MOB3B: variants seen among roughly 807,000 people sequenced by gnomAD.
MOB3B encodes MOB kinase activator-like 2B.
MOB3B carries 7 observed loss-of-function variants against 18.7 expected under a neutral mutation model. The observed-to-expected ratio is 0.37, with a 90% CI of 0.21 to 0.70. The LOEUF (loss-of-function observed/expected upper bound fraction) is 0.70, where lower values mean the gene tolerates loss of function less well. Ranked by LOEUF, MOB3B falls within the 30% of genes least tolerant of loss-of-function variation. The pLI is 0.52. For missense variants in MOB3B, 253 were observed against 281.3 expected, an observed-to-expected ratio of 0.90 and a Z score of 0.72; for synonymous variants, 111 against 99.9, an observed-to-expected ratio of 1.11 and a Z score of -0.66.
Position 27,455,251 on chromosome 9 carries a change from C to G in MOB3B, c.300G>C (p.Trp100Cys), listed in dbSNP as rs746592960. 2 of 1,614,126 alleles carry G rather than the reference C, an allele frequency of 1.2e-6. No individual in the cohort carries two copies. The highest frequency in any genetic ancestry group is 3.3e-5 in the Admixed American group (2 of 60,026). Reference protein sequence around the residue: ...MSGGPKYEYRWQDDLKYKKPT... With the variant: ...MSGGPKYEYRCQDDLKYKKPT... ...GCTTCTTATACTTGAGATCATCCTGCCACCGATACTCATATTTGGGGCCCC... is the reference window on the plus strand; with the variant it reads ...GCTTCTTATACTTGAGATCATCCTGGCACCGATACTCATATTTGGGGCCCC... The change falls in exon 2 of 4, where the codon TGG becomes TGC. Residue 100 changes from tryptophan to cysteine, a missense_variant. Trp to Cys is a radical substitution (Grantham distance 215). Coordinates refer to ENST00000262244, the MANE Select transcript of MOB3B (RefSeq NM_024761.5).
At chr9:27,335,368 A>T (rs1157125524) in intron 3 of MOB3B, among the ~76,000 whole-genome samples, 1 of 152,156 alleles carries the variant, frequency 6.6e-6, no homozygotes, top group Non-Finnish European at 1.5e-5. Context: ...AATGCGGCAA[A>T]ACTAATTAGT....
At chr9:27,443,163 C>A (rs1393209705) in intron 2 of MOB3B, among the ~76,000 whole-genome samples, 1 of 152,152 alleles carries the variant, frequency 6.6e-6, no homozygotes, top group Non-Finnish European at 1.5e-5. Context: ...TGCTGCTGGT[C>A]TAGGACCCAC....
At chr9:27,460,129 G>A (rs1331174992) in intron 1 of MOB3B, among the ~76,000 whole-genome samples, 2 of 152,204 alleles carry the variant, frequency 1.3e-5, no homozygotes, top group African/African-American at 4.8e-5. Context: ...ATGTAGTTTT[G>A]AGGTTAGTTA....
At chr9:27,348,863 C>T (rs778047974) in intron 3 of MOB3B, among the ~76,000 whole-genome samples, 84 of 152,300 alleles carry the variant, frequency 5.5e-4, no homozygotes, top group African/African-American at 2.6e-4. Context: ...AGAAACCTAA[C>T]GTTTCAAATG....
At position 27,326,762 on chromosome 9, in the gene MOB3B, T is replaced by G. The variant is rs1362115261; in HGVS notation, c.*3825A>C. 2.5e-6 allele frequency: 1 copy of G among 395,874 alleles called. No individual in the cohort carries two copies. Among genetic ancestry groups the G allele is most frequent in the Non-Finnish European group, 4.4e-6 (1 of 224,884 alleles). The allele number at this position is 395,874 out of a possible 1,614,324, so 24.5% of individuals were successfully genotyped here. On this transcript the variant is annotated 3_prime_UTR_variant, in exon 4 of 4. Coordinates refer to ENST00000262244, the MANE Select transcript of MOB3B (RefSeq NM_024761.5). ...GAAGCAGGAAATGACTCTAGATCAG[T>G]ATTTCTCAATTACAGCCGTGTAAGA...
intron 2 of MOB3B, among the ~76,000 whole-genome samples, chr9:27,418,023 C>T (rs762054004): frequency 2.3e-5 from 3 of 128,042 alleles, no homozygotes; most frequent in Non-Finnish European, 3.1e-5. Flanking sequence ...ACCTGGGAGG[C>T]GGAGGTTGCA....
intron 1 of MOB3B, among the ~76,000 whole-genome samples, chr9:27,465,509 G>A (rs925560536): frequency 6.6e-6 from 1 of 152,130 alleles, no homozygotes; most frequent in East Asian, 1.9e-4. Context: ...CTACCATTCT[G>A]GGGTCTGGAA....
chr9:27,496,918 T>C (rs1293017610), intron 1 of MOB3B, among the ~76,000 whole-genome samples: 2 of 152,224 alleles, frequency 1.3e-5, no homozygotes, highest in Non-Finnish European at 2.9e-5. Context: ...GAGTTGGTTT[T>C]CCATTCTTGA....
intron 3 of MOB3B, 64 bp from the exon 4 acceptor site, chr9:27,330,680 G>A: frequency 6.2e-7 from 1 of 1,608,014 alleles, no homozygotes; most frequent in East Asian, 2.2e-5. Context: ...TTTGGTGAAG[G>A]ATCCTGAAAA....
chr9:27,329,303 G>A lies in MOB3B; in HGVS notation c.*1284C>T, dbSNP rs560511422. ...CAGTTTTGTGAATGAATCAGAGAAG[G>A]CAACATTTCATCAACGAAAACTCAT... On this transcript the variant is annotated 3_prime_UTR_variant, in exon 4 of 4. Coordinates refer to ENST00000262244, the MANE Select transcript of MOB3B (RefSeq NM_024761.5). 2.0e-5 allele frequency: 3 copies of A among 152,258 alleles called. No homozygotes were observed. The South Asian group carries it at 6.2e-4, about 32-fold the overall frequency. 9.4% of individuals were successfully genotyped at this position (152,258 alleles called of 1,614,324 possible). A position where few individuals can be genotyped will look rare whatever the true frequency, so the allele number is the denominator to read the frequency against.
chr9:27,407,002 C>A (rs1345135454), intron 2 of MOB3B, among the ~76,000 whole-genome samples: 1 of 152,110 alleles, frequency 6.6e-6, no homozygotes, highest in Non-Finnish European at 1.5e-5. Flanking sequence ...CCATGCCTGG[C>A]TAATTTTTGT....
intron 2 of MOB3B, among the ~76,000 whole-genome samples, chr9:27,450,184 T>G (rs1182170911): frequency 6.6e-6 from 1 of 152,124 alleles, no homozygotes; most frequent in African/African-American, 2.4e-5. Context: ...ATTTCCACAA[T>G]GCACTTGACC....
chr9:27,441,086 A>G (rs1822588246), intron 2 of MOB3B, among the ~76,000 whole-genome samples: 1 of 152,054 alleles, frequency 6.6e-6, no homozygotes, highest in South Asian at 2.1e-4. Flanking sequence ...GGAGGCTGAG[A>G]TCAAGCAGTA....
At chr9:27,384,216 C>G (rs917386408) in intron 2 of MOB3B, among the ~76,000 whole-genome samples, 1 of 152,090 alleles carries the variant, frequency 6.6e-6, no homozygotes, top group Non-Finnish European at 1.5e-5. Context: ...CGGTTAGACA[C>G]CCACATCTCT....
At chr9:27,453,241 C>T (rs1215736951) in intron 2 of MOB3B, among the ~76,000 whole-genome samples, 2 of 152,150 alleles carry the variant, frequency 1.3e-5, no homozygotes, top group African/African-American at 4.8e-5. Context: ...TCATAATGCA[C>T]ATTGGCATAT....
intron 2 of MOB3B, chr9:27,378,751 A>G (rs201268356): frequency 1.5e-4 from 69 of 456,112 alleles, no homozygotes; most frequent in South Asian, 8.6e-4. Context: ...CAAAGTGATA[A>G]AGGAAATGAA....
chr9:27,453,489 C>T (rs1398234746), intron 2 of MOB3B, among the ~76,000 whole-genome samples: 1 of 152,112 alleles, frequency 6.6e-6, no homozygotes, highest in African/African-American at 2.4e-5. Flanking sequence ...TAGAGGCATC[C>T]ATAGAGGCAT....
intron 1 of MOB3B, among the ~76,000 whole-genome samples, chr9:27,528,280 T>TC (rs1317474662): frequency 6.6e-6 from 1 of 152,180 alleles, no homozygotes; most frequent in East Asian, 1.9e-4. Context: ...GGTGCCCCGA[T>TC]CCCCTCCCAC....
At chr9:27,477,549 C>T (rs1378713009) in intron 1 of MOB3B, among the ~76,000 whole-genome samples, 1 of 152,206 alleles carries the variant, frequency 6.6e-6, no homozygotes, top group Non-Finnish European at 1.5e-5. Flanking sequence ...TGTGCCCCAG[C>T]ACCTATGACA....
Sources: gnomAD v4.1 joint callset for allele counts (sites outside exome capture counted in the v4.1 genomes callset) on GRCh38, gnomAD v4.1.1 for gene constraint, MANE v1.5 for transcripts, NCBI Gene and HGNC (gene_info 2026-07-23, HGNC 2026-07-21) for gene names.